Variants in ZSWIM3 observed in about 807,000 individuals in gnomAD.
ZSWIM3 encodes zinc finger SWIM-type containing 3.
A neutral mutation model predicts 47.5 loss-of-function variants in ZSWIM3; 27 were observed. That is an observed-to-expected ratio of 0.57 (90% CI 0.42 to 0.78). The LOEUF is 0.78. ZSWIM3 is among the 30% of genes least tolerant of loss of function. ZSWIM3 has a pLI of 0.00. For synonymous variants in ZSWIM3, 333 were observed against 333.9 expected (o/e 1.00, Z 0.03); for missense variants, 689 against 861.3 (o/e 0.80, Z 2.50).
intron 1 of ZSWIM3, among the ~76,000 whole-genome samples, chr20:45,860,510 C>CAAAAAA (rs59152975): frequency 3.9e-5 from 4 of 102,632 alleles, no homozygotes; most frequent in Non-Finnish European, 7.2e-5. Flanking sequence ...GACTCCATCT[C>CAAAAAA]AAAAAAAAAA....
At position 45,857,767 on chromosome 20, in the gene ZSWIM3, C is replaced by A; in HGVS notation, c.-59C>A. The A allele has an allele frequency of 6.3e-7, 1 of 1,590,738 alleles. No homozygotes were observed. The highest frequency in any genetic ancestry group is 8.6e-7 in the Non-Finnish European group (1 of 1,166,432). On this transcript the variant is annotated 5_prime_UTR_variant, in exon 1 of 2. It adds an upstream start codon to the 5' untranslated region. Coordinates refer to ENST00000255152, the MANE Select transcript of ZSWIM3 (RefSeq NM_080752.4). ...ACCCTCATAGTGTGACCTTTGACCCCTGGTGTGATCTTGGGCCCGGGCTGG... is the reference window on the plus strand; with the variant it reads ...ACCCTCATAGTGTGACCTTTGACCCATGGTGTGATCTTGGGCCCGGGCTGG...
rs1007614126 is a variant in ZSWIM3 at position 45,857,970 on chromosome 20, G to C, written c.145G>C (p.Glu49Gln). 1 of 566,442 alleles carries C rather than the reference G, an allele frequency of 1.8e-6. No homozygotes were observed. The highest frequency in any genetic ancestry group is 1.4e-5 in the South Asian group (1 of 70,984). The allele number at this position is 566,442 out of a possible 1,614,324, so 35.1% of individuals were successfully genotyped here. The change falls in exon 1 of 2, where the codon GAA becomes CAA. Residue 49 changes from glutamate to glutamine, a missense_variant. Glu to Gln is a conservative substitution (Grantham distance 29, BLOSUM62 2). Coordinates refer to ENST00000255152, the MANE Select transcript of ZSWIM3 (RefSeq NM_080752.4). ...HNLNHGTSIR[E>Q]DILYVQVKFV... ...CCTCAACCATGGCACCTCCATCCGC[G>C]AAGACATCCTGTAAGGGCGGGCGGG...
intron 1 of ZSWIM3, among the ~76,000 whole-genome samples, chr20:45,867,308 G>GA (rs1359424009): frequency 3.9e-5 from 6 of 152,026 alleles, no homozygotes. Context: ...CACCTGGCCA[G>GA]AAAAAATTTT....
At chr20:45,861,453 A>C (rs1985706623) in intron 1 of ZSWIM3, among the ~76,000 whole-genome samples, 1 of 150,548 alleles carries the variant, frequency 6.6e-6, no homozygotes, top group Non-Finnish European at 1.5e-5. Context: ...GCAAGCAGTG[A>C]TGTATGTTTG....
chr20:45,858,064 A>C, intron 1 of ZSWIM3, 84 bp downstream of exon 1: 2 of 1,430,564 alleles, frequency 1.4e-6, no homozygotes, highest in East Asian at 2.4e-5. Flanking sequence ...GGAGGGGTGC[A>C]TAGGCACGCA....
At position 45,878,458 on chromosome 20, in the gene ZSWIM3, G is replaced by T. The variant is rs759710196; in HGVS notation, c.1900G>T (p.Glu634Ter). ...RELANLLMQTEGPELEERYST... is the reference protein window; with the variant it reads ...RELANLLMQT Reference sequence around the variant, plus strand: ...GTTAGCAAACCTGCTCATGCAGACCGAGGGGCCAGAGCTGGAGGAACGCTA... The same window carrying T: ...GTTAGCAAACCTGCTCATGCAGACCTAGGGGCCAGAGCTGGAGGAACGCTA... Residue 634 changes from glutamate to a stop codon, truncating the protein, a stop_gained, in exon 2 of 2, where the codon GAG (glutamate) becomes TAG (stop). Transcript: ENST00000255152. LOFTEE classifies it high-confidence loss of function. 1 of 1,614,180 alleles carries T rather than the reference G, an allele frequency of 6.2e-7. No individual in the cohort carries two copies. Among genetic ancestry groups the T allele is most frequent in the Non-Finnish European group, 8.5e-7 (1 of 1,180,026 alleles).
chr20:45,864,436 G>A (rs1242476530), intron 1 of ZSWIM3, among the ~76,000 whole-genome samples: 4 of 152,118 alleles, frequency 2.6e-5, no homozygotes. Context: ...GTTTTTAGGA[G>A]GTAATTTAGT....
chr20:45,874,556 C>A (rs1157633968), intron 1 of ZSWIM3, among the ~76,000 whole-genome samples: 2 of 152,076 alleles, frequency 1.3e-5, no homozygotes, highest in Non-Finnish European at 2.9e-5. Context: ...AAAAGGAGGA[C>A]CAAACATTCC....
At chr20:45,874,030 T>A (rs1986034217) in intron 1 of ZSWIM3, among the ~76,000 whole-genome samples, 6 of 152,206 alleles carry the variant, frequency 3.9e-5, no homozygotes, top group Admixed American at 2.6e-4. Context: ...ACCCTAAATA[T>A]CATCTAGCCC....
At position 45,877,232 on chromosome 20, in the gene ZSWIM3, G is replaced by T; in HGVS notation, c.674G>T (p.Arg225Leu). 6.2e-7 allele frequency: 1 copy of T among 1,614,002 alleles called. No individual in the cohort carries two copies. The highest frequency in any genetic ancestry group is 8.5e-7 in the Non-Finnish European group (1 of 1,180,008). The stretch of plus-strand genomic sequence containing the variant: ...TTCCCAGAGAATCTCTTGCTACACC[G>T]GGTGGAGAACACCCAGGGCCACATC... ...IRFPENLLLH[R>L]VENTQGHILY... Residue 225 changes from arginine (R) to leucine (L), a missense_variant, in exon 2 of 2, where the codon CGG (arginine) becomes CTG (leucine). Coordinates refer to ENST00000255152, the MANE Select transcript of ZSWIM3 (RefSeq NM_080752.4).
chr20:45,873,268 G>A (rs1986016108), intron 1 of ZSWIM3, among the ~76,000 whole-genome samples: 1 of 152,170 alleles, frequency 6.6e-6, no homozygotes, highest in Non-Finnish European at 1.5e-5. Flanking sequence ...GGGCATGGTG[G>A]CGCATGCCTG....
chr20:45,874,237 G>A (rs1986038920), intron 1 of ZSWIM3, among the ~76,000 whole-genome samples: 1 of 152,104 alleles, frequency 6.6e-6, no homozygotes, highest in African/African-American at 2.4e-5. Context: ...AGAGGCCGAG[G>A]GCGGTGGCTC....
rs1986145052 is a variant in ZSWIM3, at chr20:45,877,907, C to T, written c.1349C>T (p.Pro450Leu). 6.2e-7 allele frequency: 1 copy of T among 1,614,174 alleles called. No homozygotes were observed. Among genetic ancestry groups the T allele is most frequent in the Non-Finnish European group, 8.5e-7 (1 of 1,180,044 alleles). Reference protein sequence around the residue: ...KLKRARPASMPLKSKKAFGIC... With the variant: ...KLKRARPASMLLKSKKAFGIC... Reference sequence around the variant, plus strand: ...AAGAGAGCTCGGCCGGCAAGCATGCCACTGAAGTCCAAGAAGGCTTTTGGA... The same window carrying T: ...AAGAGAGCTCGGCCGGCAAGCATGCTACTGAAGTCCAAGAAGGCTTTTGGA... The change falls in exon 2 of 2, where the codon CCA becomes CTA. Residue 450 changes from proline to leucine, a missense_variant. Pro to Leu is a moderately conservative substitution (Grantham distance 98). Coordinates refer to ENST00000255152, the MANE Select transcript of ZSWIM3 (RefSeq NM_080752.4).
At chr20:45,865,983 ACT>A (rs539006388) in intron 1 of ZSWIM3, among the ~76,000 whole-genome samples, 125 of 129,824 alleles carry the variant, frequency 9.6e-4, no homozygotes, top group African/African-American at 3.4e-3. Flanking sequence ...ACAGAGTGAG[ACT>A]CTGTCTCAAA....
intron 1 of ZSWIM3, among the ~76,000 whole-genome samples, chr20:45,862,477 TTTTA>T (rs1348625861): frequency 7.3e-5 from 11 of 151,490 alleles, no homozygotes; most frequent in South Asian, 2.1e-4. Context: ...TTTATTTCAT[TTTTA>T]TTTATTTACT....
At position 45,878,541 on chromosome 20, in the gene ZSWIM3, C is replaced by A. The variant is rs548540451; in HGVS notation, c.1983C>A (p.Leu661=). 26 of 1,614,222 alleles carry A rather than the reference C, an allele frequency of 1.6e-5. No homozygotes were observed. In the South Asian group the frequency reaches 2.4e-4, roughly 15 times the overall value. Residue 661 remains leucine (L), a synonymous_variant, in exon 2 of 2, where the codon CTC becomes CTA. Coordinates refer to ENST00000255152, the MANE Select transcript of ZSWIM3 (RefSeq NM_080752.4). ...IWAGPSQPSE[L]FQQPGDFKDV... ...CTGGCCCCTCCCAGCCATCTGAGCT[C>A]TTTCAGCAGCCAGGAGACTTTAAGG...
At chr20:45,864,986 C>T (rs1365728767) in intron 1 of ZSWIM3, among the ~76,000 whole-genome samples, 8 of 151,992 alleles carry the variant, frequency 5.3e-5, no homozygotes, top group Admixed American at 4.6e-4. Flanking sequence ...CTGGCTAACA[C>T]GGAGAAACCC....
intron 1 of ZSWIM3, among the ~76,000 whole-genome samples, chr20:45,873,372 G>A (rs1365968436): frequency 6.6e-6 from 1 of 152,076 alleles, no homozygotes; most frequent in South Asian, 2.1e-4. Context: ...TCGCACTCCA[G>A]CCTGGGCAAC....
At position 45,877,812 on chromosome 20, in the gene ZSWIM3, C is replaced by G; in HGVS notation, c.1254C>G (p.Cys418Trp). 8 of 1,614,220 alleles carry G rather than the reference C, an allele frequency of 5.0e-6. No homozygotes were observed. The highest frequency in any genetic ancestry group is 6.8e-6 in the Non-Finnish European group (8 of 1,180,042). Residue 418 changes from cysteine (C) to tryptophan (W), a missense_variant, in exon 2 of 2, where the codon TGC becomes TGG. Transcript: ENST00000255152. Reference protein sequence around the residue: ...EQQSLLDCILCFVDYIDFFNT... With the variant: ...EQQSLLDCILWFVDYIDFFNT... ...AGTCGCTGCTGGACTGCATCCTCTG[C>G]TTTGTGGATTACATAGACTTCTTTA...
Sources: gnomAD v4.1 joint callset for allele counts (sites outside exome capture counted in the v4.1 genomes callset) on GRCh38, gnomAD v4.1.1 for gene constraint, MANE v1.5 for transcripts, NCBI Gene and HGNC (gene_info 2026-07-23, HGNC 2026-07-21) for gene names.